The following CCSER1 variants were observed in gnomAD, a reference collection of about 807,000 sequenced individuals.
CCSER1 encodes serine-rich coiled-coil domain-containing protein 1.
CCSER1 carries 41 observed loss-of-function variants against 82.0 expected under a neutral mutation model. The ratio of observed to expected loss-of-function variants is 0.50; its 90% confidence interval spans 0.39 to 0.65. The LOEUF is 0.65. Ranked by LOEUF, CCSER1 falls within the 30% of genes least tolerant of loss-of-function variation. The pLI, the probability that CCSER1 is intolerant of heterozygous loss-of-function variation, is 0.00. For synonymous variants in CCSER1, 414 were observed against 383.9 expected (o/e 1.08, Z -0.92); for missense variants, 1,119 against 1,064.2 (o/e 1.05, Z -0.72).
chr4:90,712,726 G>A (rs1326291099), intron 6 of CCSER1, among the ~76,000 whole-genome samples: 2 of 151,564 alleles, frequency 1.3e-5, no homozygotes, highest in African/African-American at 4.9e-5. Flanking sequence ...GCCTAATATT[G>A]TTATTGGGGC....
At chr4:91,167,232 A>G (rs1732186092) in intron 10 of CCSER1, among the ~76,000 whole-genome samples, 1 of 145,286 alleles carries the variant, frequency 6.9e-6, no homozygotes, top group South Asian at 2.2e-4. Context: ...TGTCACACAG[A>G]CTAGAGTGCA....
intron 6 of CCSER1, among the ~76,000 whole-genome samples, chr4:90,645,863 T>C (rs986597964): frequency 3.9e-5 from 6 of 152,190 alleles, no homozygotes; most frequent in African/African-American, 1.2e-4. Context: ...TTTAGAAATA[T>C]CCTTGCTAGG....
intron 10 of CCSER1, among the ~76,000 whole-genome samples, chr4:91,123,420 T>A (rs543231682): frequency 6.6e-6 from 1 of 151,800 alleles, no homozygotes; most frequent in East Asian, 1.9e-4. Context: ...GTTTCTAATA[T>A]AGGAAATTAT....
rs58307251 is a variant in CCSER1, at chr4:90,364,082, TTTC to T, written c.1510-35946_1510-35944del. Among the ~76,000 whole-genome samples the T allele has an allele frequency of 7.9e-3, 1,197 of 152,206 alleles. 18 individuals carry two copies. The highest frequency in any genetic ancestry group is 0.027 in the African/African-American group (1,127 of 41,554). On this transcript the variant is annotated intron_variant, in intron 3 of 10. Transcript: ENST00000509176. ...TTTAGTAAATTGGGTTTACCAAGTCTTTCTTCTTCTCTTGAAACATAGTGGGAG... is the reference window on the plus strand; with the variant it reads ...TTTAGTAAATTGGGTTTACCAAGTCTTTCTTCTCTTGAAACATAGTGGGAG...
At chr4:90,705,169 G>C (rs552523330) in intron 6 of CCSER1, among the ~76,000 whole-genome samples, 76 of 152,282 alleles carry the variant, frequency 5.0e-4, no homozygotes, top group Admixed American at 4.6e-4. Context: ...TGTCCTTGCT[G>C]TTTGTTAGTT....
chr4:91,211,077 G>T (rs1269330343), intron 10 of CCSER1, among the ~76,000 whole-genome samples: 1 of 151,944 alleles, frequency 6.6e-6, no homozygotes, highest in Non-Finnish European at 1.5e-5. Context: ...TCATGATTTT[G>T]CTCAAGTGAT....
At chr4:90,214,584 A>G (rs1231026712) in intron 1 of CCSER1, among the ~76,000 whole-genome samples, 1 of 152,122 alleles carries the variant, frequency 6.6e-6, no homozygotes, top group East Asian at 1.9e-4. Flanking sequence ...TTACAAGGCA[A>G]TAAAAAGTAG....
intron 10 of CCSER1, among the ~76,000 whole-genome samples, chr4:91,202,779 G>GTGTGTATAGATATACACACT (rs1736026470): frequency 3.3e-5 from 5 of 151,948 alleles, no homozygotes; most frequent in African/African-American, 1.2e-4. Context: ...ATATATGTGT[G>GTGTGTATAGATATACACACT]CATATATATG....
intron 10 of CCSER1, among the ~76,000 whole-genome samples, chr4:91,572,852 A>T (rs1482828998): frequency 6.6e-6 from 1 of 151,256 alleles, no homozygotes; most frequent in Non-Finnish European, 1.5e-5. Context: ...TTCTTGGTAG[A>T]GCAGCTGTGC....
intron 5 of CCSER1, among the ~76,000 whole-genome samples, chr4:90,612,481 G>A (rs1785655545): frequency 6.6e-6 from 1 of 152,070 alleles, no homozygotes; most frequent in Middle Eastern, 3.2e-3. Context: ...AACTTAGGCA[G>A]TATAAGATAA....
chr4:90,185,986 C>T (rs1018204053), intron 1 of CCSER1, among the ~76,000 whole-genome samples: 1 of 151,914 alleles, frequency 6.6e-6, no homozygotes, highest in Non-Finnish European at 1.5e-5. Flanking sequence ...ACATTAGGTT[C>T]CTCACAATTA....
intron 3 of CCSER1, among the ~76,000 whole-genome samples, chr4:90,376,083 A>G (rs1436988097): frequency 6.6e-6 from 1 of 152,138 alleles, no homozygotes; most frequent in Non-Finnish European, 1.5e-5. Flanking sequence ...AAACACAGTC[A>G]TATGCATTAT....
chr4:91,165,409 C>A (rs1204409465), intron 10 of CCSER1, among the ~76,000 whole-genome samples: 1 of 152,230 alleles, frequency 6.6e-6, no homozygotes, highest in Non-Finnish European at 1.5e-5. Context: ...AGGAGTCAGT[C>A]TGTCCTTCTT....
chr4:91,538,698 C>CATATATTATATATATATATATAAT, intron 10 of CCSER1, among the ~76,000 whole-genome samples: 62 of 138,324 alleles, frequency 4.5e-4, no homozygotes, highest in African/African-American at 1.6e-3. Flanking sequence ...TATATATACA[C>CATATATTATATATATATATATAAT]ATATATATAT....
intron 10 of CCSER1, among the ~76,000 whole-genome samples, chr4:91,453,139 A>C (rs1755960079): frequency 1.3e-5 from 2 of 152,150 alleles, no homozygotes; most frequent in African/African-American, 4.8e-5. Flanking sequence ...TCATTTGGTC[A>C]TTTAGAGTTT....
chr4:90,196,700 A>ATTGTC (rs1178960228), intron 1 of CCSER1, among the ~76,000 whole-genome samples: 1 of 110,722 alleles, frequency 9.0e-6, no homozygotes, highest in Non-Finnish European at 1.8e-5. Flanking sequence ...ATCTTAGCTC[A>ATTGTC]TTGTCTTATA....
At chr4:91,343,383 A>G (rs895182298) in intron 10 of CCSER1, among the ~76,000 whole-genome samples, 4 of 152,134 alleles carry the variant, frequency 2.6e-5, no homozygotes, top group African/African-American at 7.2e-5. Context: ...TTTGCTCAGA[A>G]TTTTAACACA....
At chr4:91,237,685 C>A (rs1331142326) in intron 10 of CCSER1, among the ~76,000 whole-genome samples, 5 of 152,048 alleles carry the variant, frequency 3.3e-5, no homozygotes, top group Middle Eastern at 3.4e-3. Context: ...AGGTTCAGGG[C>A]AAACTCTAGA....
intron 10 of CCSER1, among the ~76,000 whole-genome samples, chr4:91,577,827 CTTA>C (rs1177406935): frequency 6.6e-6 from 1 of 151,788 alleles, no homozygotes; most frequent in Non-Finnish European, 1.5e-5. Flanking sequence ...TATTTTATCT[CTTA>C]TTATGTGCAT....
Sources: allele counts gnomAD v4.1 joint callset (sites outside exome capture counted in the v4.1 genomes callset), GRCh38; gene constraint gnomAD v4.1.1; transcripts MANE v1.5; gene names NCBI Gene and HGNC (gene_info 2026-07-23, HGNC 2026-07-21).